The following SMC4 variants were observed in gnomAD, a reference collection of about 807,000 sequenced individuals.
SMC4 encodes the protein structural maintenance of chromosomes protein 4.
SMC4 carries 87 observed loss-of-function variants against 145.6 expected under a neutral mutation model. That is an observed-to-expected ratio of 0.60 (90% confidence interval 0.50 to 0.71). The LOEUF (loss-of-function observed/expected upper bound fraction) is 0.71, where lower values mean the gene tolerates loss of function less well. Among genes scored for constraint, SMC4 ranks in the 30% least tolerant of loss-of-function variants. The pLI is 0.00. For missense variants in SMC4, 1,447 were observed against 1,537.1 expected, an observed-to-expected ratio of 0.94 and a Z score of 0.98; for synonymous variants, 558 against 500.7, an observed-to-expected ratio of 1.11 and a Z score of -1.53.
chr3:160,415,009 C>CAGACTTAA (rs2108472955), intron 9 of SMC4, among the ~76,000 whole-genome samples: 1 of 152,184 alleles, frequency 6.6e-6, no homozygotes, highest in East Asian at 1.9e-4. Flanking sequence ...TTAGGTATTA[C>CAGACTTAA]AGACTTAAAA....
At chr3:160,402,973 G>A in intron 4 of SMC4, 106 bp downstream of exon 4, 1 of 759,446 alleles carries the variant, frequency 1.3e-6, no homozygotes, top group Non-Finnish European at 2.0e-6. Context: ...AATTACAGCG[G>A]AAAGCATTGG....
chr3:160,423,899 G>T, intron 15 of SMC4, 59 bp downstream of exon 15: 1 of 1,364,314 alleles, frequency 7.3e-7, no homozygotes, highest in East Asian at 2.4e-5. Flanking sequence ...CTTTACCGAG[G>T]TATATACTTA....
At chr3:160,431,266 G>A in intron 20 of SMC4, 61 bp downstream of exon 20, 3 of 1,418,920 alleles carry the variant, frequency 2.1e-6, no homozygotes. Flanking sequence ...GGAGGGTTTG[G>A]GGAGGATTGT....
intron 1 of SMC4, chr3:160,400,617 C>T (rs1157339577): frequency 5.5e-6 from 3 of 544,436 alleles, no homozygotes; most frequent in Non-Finnish European, 9.1e-6. Context: ...TAGATTTTCC[C>T]ACTTACATAG....
chr3:160,417,914 T>TA lies in SMC4; in HGVS notation c.1630dup (p.Ile544AsnfsTer9). 19 of 1,612,910 alleles carry TA rather than the reference T, an allele frequency of 1.2e-5. No homozygotes were observed. The highest frequency in any genetic ancestry group is 1.4e-5 in the Non-Finnish European group (17 of 1,179,550). ...AAGAAAGGAAAGCTGCAATCAGAGA[T>TA]ATAGAAGGAAAACTCCCTCAAACTG... is the stretch of plus-strand genomic sequence containing the variant. On this transcript the variant is annotated frameshift_variant, in exon 11 of 24. Transcript: ENST00000357388. LOFTEE classifies it high-confidence loss of function.
intron 1 of SMC4, 38 bp from the exon 2 acceptor site, chr3:160,400,784 C>G: frequency 6.8e-7 from 1 of 1,460,940 alleles, no homozygotes; most frequent in Non-Finnish European, 8.9e-7. Flanking sequence ...TGTAGCGGCC[C>G]GCGGGCTGAC....
intron 16 of SMC4, 81 bp from the exon 17 acceptor site, chr3:160,425,993 T>G: frequency 9.2e-7 from 1 of 1,084,318 alleles, no homozygotes; most frequent in Non-Finnish European, 1.3e-6. Context: ...TCTTGAAGAT[T>G]TTAAGTGCCC....
rs1718286001 is a variant in SMC4, at chr3:160,430,518, A to G, written c.2796-81A>G. On this transcript the variant is annotated intron_variant, in intron 18 of 23. Transcript: ENST00000357388. ...TAGAAAAAATGTCACATTAAATTTCATGAAAAGTTCTTTAGTAGGTTTTCA... is the reference window on the plus strand; with the variant it reads ...TAGAAAAAATGTCACATTAAATTTCGTGAAAAGTTCTTTAGTAGGTTTTCA... The G allele has an allele frequency of 3.3e-6, 4 of 1,203,632 alleles. No individual in the cohort carries two copies. In the Admixed American group the frequency reaches 8.2e-5, roughly 25 times the overall value. The allele number at this position is 1,203,632 out of a possible 1,614,324, so 74.6% of individuals were successfully genotyped here. A position where few individuals can be genotyped will look rare whatever the true frequency, so the allele number is the denominator to read the frequency against.
intron 4 of SMC4, 79 bp from the exon 5 acceptor site, chr3:160,404,249 A>AC (rs1715052219): frequency 7.6e-6 from 10 of 1,322,576 alleles, no homozygotes; most frequent in Non-Finnish European, 9.4e-6. Context: ...TAGTTTCAGT[A>AC]TGAAATGAGT....
intron 18 of SMC4, among the ~76,000 whole-genome samples, chr3:160,429,718 T>G (rs145349954): frequency 0.031 from 4,694 of 150,782 alleles, 248 homozygotes; most frequent in African/African-American, 0.11. Flanking sequence ...TAGGTTTTTT[T>G]TTTTTTTTTT....
At chr3:160,430,564 T>C (rs1264658075) in intron 18 of SMC4, 35 bp from the exon 19 acceptor site, 34 of 1,516,528 alleles carry the variant, frequency 2.2e-5, no homozygotes, top group Non-Finnish European at 2.8e-5. Context: ...CAAATCACCT[T>C]ACCACATTTT....
chr3:160,410,252 A>G (rs530605274), intron 5 of SMC4, among the ~76,000 whole-genome samples: 2 of 152,308 alleles, frequency 1.3e-5, no homozygotes, highest in African/African-American at 2.4e-5. Context: ...AAGGTCAGAA[A>G]TGCTATTAAA....
At chr3:160,422,206 G>A (rs1364915972) in intron 13 of SMC4, among the ~76,000 whole-genome samples, 1 of 152,038 alleles carries the variant, frequency 6.6e-6, no homozygotes, top group Non-Finnish European at 1.5e-5. Context: ...AGTTCTCTTG[G>A]GTATATATAT....
chr3:160,416,569 ATTC>A, intron 10 of SMC4, 154 bp downstream of exon 10: 1 of 429,134 alleles, frequency 2.3e-6, no homozygotes. Context: ...TTAGATGACT[ATTC>A]TTTTAATTCC....
intron 5 of SMC4, among the ~76,000 whole-genome samples, chr3:160,406,612 A>C (rs183016923): frequency 2.6e-5 from 4 of 152,338 alleles, no homozygotes; most frequent in Admixed American, 6.5e-5. Context: ...CATGTAGACT[A>C]TTTGGCCAGT....
intron 1 of SMC4, 36 bp from the exon 2 acceptor site, chr3:160,400,786 C>A (rs1015767775): frequency 1.0e-5 from 15 of 1,462,598 alleles, no homozygotes; most frequent in Admixed American, 7.9e-5. Flanking sequence ...TAGCGGCCCG[C>A]GGGCTGACTT....
rs1714852587 is a variant in SMC4 at position 160,402,805 on chromosome 3, G to C, written c.448G>C (p.Asp150His). 1 of 1,608,252 alleles carries C rather than the reference G, an allele frequency of 6.2e-7. No individual in the cohort carries two copies. Among genetic ancestry groups the C allele is most frequent in the South Asian group, 1.1e-5 (1 of 89,796 alleles). ...ACTCTCAGTATTAATACATAATTCT[G>C]ATGAACACAAGGACATTCAGAGTTG... ...KKLSVLIHNS[D>H]EHKDIQSCTV... The change falls in exon 4 of 24, where the codon GAT (aspartate) becomes CAT (histidine). Residue 150 changes from aspartate (D) to histidine (H), a missense_variant. Transcript: ENST00000357388.
At chr3:160,414,908 T>C (rs1166924347) in intron 9 of SMC4, among the ~76,000 whole-genome samples, 1 of 152,212 alleles carries the variant, frequency 6.6e-6, no homozygotes, top group African/African-American at 2.4e-5. Flanking sequence ...TAATATGTTA[T>C]TGGGAAAACA....
intron 23 of SMC4, 54 bp from the exon 24 acceptor site, chr3:160,433,603 T>G: frequency 9.2e-7 from 1 of 1,082,464 alleles, no homozygotes; most frequent in Non-Finnish European, 1.3e-6. Flanking sequence ...GTTACATGTT[T>G]GTGTGATTTA....
Sources: gnomAD v4.1 joint callset for allele counts (sites outside exome capture counted in the v4.1 genomes callset) on GRCh38, gnomAD v4.1.1 for gene constraint, MANE v1.5 for transcripts, NCBI Gene and HGNC (gene_info 2026-07-23, HGNC 2026-07-21) for gene names.